The following PHLDB2 variants were observed in gnomAD, a reference collection of about 807,000 sequenced individuals.
PHLDB2 encodes pleckstrin homology like domain family B member 2.
Under a neutral mutation model 123.6 loss-of-function variants are expected in PHLDB2, and 71 were observed. The ratio of observed to expected loss-of-function variants is 0.57; its 90% confidence interval spans 0.47 to 0.70. The LOEUF (loss-of-function observed/expected upper bound fraction) is 0.70, where lower values mean the gene tolerates loss of function less well. Ranked by LOEUF, PHLDB2 falls within the 30% of genes least tolerant of loss-of-function variation. The pLI is 0.00. For missense variants in PHLDB2, 1,446 were observed against 1,519.5 expected (o/e 0.95, Z 0.80); for synonymous variants, 547 against 541.6 (o/e 1.01, Z -0.14).
At chr3:111,860,565 G>A (rs1336063582) in intron 1 of PHLDB2, among the ~76,000 whole-genome samples, 2 of 152,216 alleles carry the variant, frequency 1.3e-5, no homozygotes, top group Non-Finnish European at 2.9e-5. Flanking sequence ...CCACCACCAG[G>A]AAATTAAAAG....
intron 2 of PHLDB2, among the ~76,000 whole-genome samples, chr3:111,852,597 T>C (rs2064306088): frequency 1.3e-5 from 2 of 152,018 alleles, no homozygotes; most frequent in Admixed American, 1.3e-4. Flanking sequence ...AATACTGCTG[T>C]TAAGGTGTTG....
chr3:111,973,231 T>G (rs2107699234), intron 16 of PHLDB2, among the ~76,000 whole-genome samples: 1 of 111,444 alleles, frequency 9.0e-6, no homozygotes, highest in Non-Finnish European at 2.0e-5. Context: ...GTAGCTCTGT[T>G]GAAAACGGGG....
intron 8 of PHLDB2, among the ~76,000 whole-genome samples, chr3:111,944,993 T>G (rs1435018538): frequency 1.3e-5 from 2 of 152,232 alleles, no homozygotes; most frequent in African/African-American, 4.8e-5. Flanking sequence ...TTTTAAAATT[T>G]TATTTTAAAC....
chr3:111,952,330 C>T (rs916477425), intron 10 of PHLDB2, among the ~76,000 whole-genome samples: 2 of 152,180 alleles, frequency 1.3e-5, no homozygotes, highest in Non-Finnish European at 2.9e-5. Context: ...GCCGCAGGCA[C>T]TACAGAAGTG....
At chr3:111,934,714 G>T (rs1399631602) in intron 6 of PHLDB2, among the ~76,000 whole-genome samples, 1 of 152,136 alleles carries the variant, frequency 6.6e-6, no homozygotes, top group Non-Finnish European at 1.5e-5. Context: ...GTTGATATGG[G>T]CACAGCAATC....
intron 1 of PHLDB2, among the ~76,000 whole-genome samples, chr3:111,747,681 A>G (rs950321639): frequency 1.3e-5 from 2 of 152,180 alleles, no homozygotes; most frequent in Admixed American, 6.5e-5. Context: ...GAACATGAGG[A>G]TACACTGAGC....
intron 1 of PHLDB2, among the ~76,000 whole-genome samples, chr3:111,860,488 G>C (rs904537214): frequency 4.6e-5 from 7 of 152,148 alleles, no homozygotes; most frequent in Non-Finnish European, 1.0e-4. Flanking sequence ...TCGTTTGCTG[G>C]TTCGCTTAAT....
chr3:111,916,362 C>T (rs2068177635), intron 3 of PHLDB2: 1 of 152,160 alleles, frequency 6.6e-6, no homozygotes, highest in African/African-American at 2.4e-5. Context: ...TGAAGGTGGA[C>T]ATATATTACC....
In PHLDB2 at chr3:111,919,149, C is replaced by T. The variant is rs772721714; in HGVS notation, c.1797C>T (p.Asn599=). Residue 599 remains asparagine, a synonymous_variant, in exon 4 of 18, where the codon AAC becomes AAT. Transcript: ENST00000431670. ...AAGAAACCCGGATAGTCATTCTGAACAACCTCGAGGAACTTAAGCAAAAAA... is the reference window on the plus strand; with the variant it reads ...AAGAAACCCGGATAGTCATTCTGAATAACCTCGAGGAACTTAAGCAAAAAA... ...AMEETRIVIL[N]NLEELKQKIK... The T allele has an allele frequency of 8.1e-6, 13 of 1,613,878 alleles. No homozygotes were observed. The highest frequency in any genetic ancestry group is 1.7e-6 in the Non-Finnish European group (2 of 1,179,832).
intron 6 of PHLDB2, among the ~76,000 whole-genome samples, chr3:111,937,178 C>T (rs969492368): frequency 6.6e-6 from 1 of 152,192 alleles, no homozygotes; most frequent in African/African-American, 2.4e-5. Flanking sequence ...TTGCTAATTA[C>T]TCAGTAGCTA....
intron 6 of PHLDB2, among the ~76,000 whole-genome samples, chr3:111,938,709 C>T (rs2069660699): frequency 6.6e-6 from 1 of 152,042 alleles, no homozygotes; most frequent in African/African-American, 2.4e-5. Context: ...TGTACGTGTG[C>T]CAACTTTTGA....
In PHLDB2 at chr3:111,966,626, A is replaced by AC; in HGVS notation, c.3091_3092insC (p.Asn1031ThrfsTer4). The AC allele has an allele frequency of 6.2e-7, 1 of 1,612,952 alleles. No individual in the cohort carries two copies. ...TGTTTCATTCAGTGCCAGCACTTCA[A>AC]ATATTGCTAGAATAGAAGAAATGGA... is the stretch of plus-strand genomic sequence containing the variant. On this transcript the variant is annotated frameshift_variant, in exon 14 of 18. Coordinates refer to ENST00000431670, the MANE Select transcript of PHLDB2 (RefSeq NM_001134438.2). LOFTEE classifies it high-confidence loss of function.
intron 1 of PHLDB2, among the ~76,000 whole-genome samples, chr3:111,738,495 GA>G (rs1391107673): frequency 6.6e-6 from 1 of 152,192 alleles, no homozygotes; most frequent in Admixed American, 6.5e-5. Flanking sequence ...CTCTTTCCCA[GA>G]AGTGTGTTAG....
upstream of PHLDB2, among the ~76,000 whole-genome samples, chr3:111,858,419 G>C (rs557535782): frequency 4.6e-5 from 7 of 152,204 alleles, no homozygotes; most frequent in Non-Finnish European, 1.0e-4. Context: ...ATGTATACCT[G>C]TGTAACAAAC....
intron 9 of PHLDB2, among the ~76,000 whole-genome samples, chr3:111,948,326 A>G (rs914660942): frequency 6.6e-6 from 1 of 152,126 alleles, no homozygotes; most frequent in Non-Finnish European, 1.5e-5. Flanking sequence ...ACTCACCTGC[A>G]TGAAAGGACA....
chr3:111,878,049 C>G (rs1299413209), intron 1 of PHLDB2, among the ~76,000 whole-genome samples: 2 of 151,992 alleles, frequency 1.3e-5, no homozygotes, highest in African/African-American at 4.8e-5. Flanking sequence ...TTTTTTGGTT[C>G]CATATGAAAT....
At chr3:111,863,661 C>T (rs536909846) in intron 1 of PHLDB2, among the ~76,000 whole-genome samples, 109 of 152,294 alleles carry the variant, frequency 7.2e-4, no homozygotes, top group African/African-American at 2.5e-3. Flanking sequence ...ATCTGCAAGC[C>T]TCCTGTTCTA....
intron 10 of PHLDB2, chr3:111,949,756 C>T (rs2070587499): frequency 5.1e-6 from 5 of 985,824 alleles, no homozygotes; most frequent in Non-Finnish European, 6.0e-6. Flanking sequence ...TTCTCCTCAT[C>T]CTATCACTCA....
chr3:111,859,548 C>G lies in PHLDB2; in HGVS notation c.-43C>G, dbSNP rs886147935. On this transcript the variant is annotated 5_prime_UTR_variant, in exon 1 of 18. Coordinates refer to ENST00000431670, the MANE Select transcript of PHLDB2 (RefSeq NM_001134438.2). The stretch of plus-strand genomic sequence containing the variant: ...AAGGAGCGCGCCTGCCTTCTCTCGC[C>G]GCCGGGAACGGGCTGCACCAATGGC... 1 of 985,478 alleles carries G rather than the reference C, an allele frequency of 1.0e-6. No individual in the cohort carries two copies. The highest frequency in any genetic ancestry group is 1.2e-6 in the Non-Finnish European group (1 of 830,032). 61.0% of individuals were successfully genotyped at this position (985,478 alleles called of 1,614,324 possible).
Sources: allele counts gnomAD v4.1 joint callset (sites outside exome capture counted in the v4.1 genomes callset), GRCh38; gene constraint gnomAD v4.1.1; transcripts MANE v1.5; gene names NCBI Gene and HGNC (gene_info 2026-07-23, HGNC 2026-07-21).